The following AIG1 variants were observed in gnomAD, a reference collection of about 807,000 sequenced individuals.
AIG1 encodes androgen-induced gene 1 protein.
AIG1 carries 23 observed loss-of-function variants against 31.4 expected under a neutral mutation model. That is an observed-to-expected ratio of 0.73 (90% CI 0.53 to 1.04). The LOEUF (loss-of-function observed/expected upper bound fraction) is 1.04. Among genes scored for constraint, AIG1 ranks in the 50% least tolerant of loss-of-function variants. AIG1 has a pLI of 0.00. For missense variants in AIG1, 274 were observed against 295.0 expected (o/e 0.93, Z 0.52); for synonymous variants, 100 against 110.5 (o/e 0.90, Z 0.60).
intron 3 of AIG1, among the ~76,000 whole-genome samples, chr6:143,177,386 A>G (rs1233294265): frequency 3.9e-5 from 6 of 152,046 alleles, no homozygotes; most frequent in Non-Finnish European, 5.9e-5. Context: ...TTGTTTCCCT[A>G]TGTTGATATC....
intron 1 of AIG1, among the ~76,000 whole-genome samples, chr6:143,079,251 T>C (rs2128467150): frequency 6.6e-6 from 1 of 152,250 alleles, no homozygotes; most frequent in South Asian, 2.1e-4. Flanking sequence ...TCATAATCTC[T>C]AGCAGAGATT....
chr6:143,250,669 T>C (rs956063038), intron 3 of AIG1, among the ~76,000 whole-genome samples: 4 of 150,610 alleles, frequency 2.7e-5, no homozygotes, highest in East Asian at 2.0e-4. Flanking sequence ...GAGACAGAGA[T>C]TGGAGTGACG....
At chr6:143,141,997 A>T (rs1353624400) in intron 2 of AIG1, among the ~76,000 whole-genome samples, 1 of 152,024 alleles carries the variant, frequency 6.6e-6, no homozygotes, top group African/African-American at 2.4e-5. Flanking sequence ...AGGAATCTTA[A>T]ATGTGTCTCC....
chr6:143,163,415 C>T (rs867098571), intron 2 of AIG1, among the ~76,000 whole-genome samples: 23 of 152,310 alleles, frequency 1.5e-4, no homozygotes, highest in Middle Eastern at 3.4e-3. Context: ...CATAGCATCC[C>T]TTATTTTCAA....
intron 2 of AIG1, among the ~76,000 whole-genome samples, chr6:143,137,640 T>C (rs1055826277): frequency 1.3e-5 from 2 of 152,252 alleles, no homozygotes; most frequent in African/African-American, 4.8e-5. Flanking sequence ...CTGTTTTGAC[T>C]TCATTGATTT....
chr6:143,261,103 G>A (rs1157436109), intron 3 of AIG1, among the ~76,000 whole-genome samples: 1 of 152,102 alleles, frequency 6.6e-6, no homozygotes, highest in Non-Finnish European at 1.5e-5. Flanking sequence ...GCAGAGGAAT[G>A]GGGAAGGAAG....
chr6:143,207,293 A>G (rs1791189016), intron 3 of AIG1, among the ~76,000 whole-genome samples: 1 of 151,982 alleles, frequency 6.6e-6, no homozygotes, highest in African/African-American at 2.4e-5. Context: ...TTGTATTCCC[A>G]TAGTTGCAAA....
chr6:143,215,314 A>G (rs939315758), intron 3 of AIG1, among the ~76,000 whole-genome samples: 20 of 152,152 alleles, frequency 1.3e-4, no homozygotes, highest in Non-Finnish European at 1.2e-4. Flanking sequence ...TCACTAAATA[A>G]TAGTGTTTTT....
chr6:143,072,391 T>A (rs1025079320), intron 1 of AIG1, among the ~76,000 whole-genome samples: 3 of 152,176 alleles, frequency 2.0e-5, no homozygotes, highest in Non-Finnish European at 2.9e-5. Context: ...ATTTTATTTC[T>A]TCCTTTTCAA....
At chr6:143,206,029 A>G (rs991464404) in intron 3 of AIG1, among the ~76,000 whole-genome samples, 1 of 152,226 alleles carries the variant, frequency 6.6e-6, no homozygotes, top group African/African-American at 2.4e-5. Context: ...TTAAATGACC[A>G]AGGTATTATG....
At chr6:143,063,690 A>G (rs1776453884) in intron 1 of AIG1, among the ~76,000 whole-genome samples, 1 of 152,114 alleles carries the variant, frequency 6.6e-6, no homozygotes, top group Non-Finnish European at 1.5e-5. Context: ...CAAGAGTTTA[A>G]CTTTTTAAAA....
intron 1 of AIG1, among the ~76,000 whole-genome samples, chr6:143,134,396 CT>C (rs61322198): frequency 0.036 from 4,025 of 111,318 alleles, 85 homozygotes; most frequent in Middle Eastern, 0.094. Context: ...TCCTGGTTTC[CT>C]TTTTTTTTTT....
At chr6:143,079,616 C>T (rs957851620) in intron 1 of AIG1, among the ~76,000 whole-genome samples, 2 of 152,108 alleles carry the variant, frequency 1.3e-5, no homozygotes, top group Non-Finnish European at 2.9e-5. Context: ...CTTTTTTACA[C>T]TTAAAATATT....
intron 3 of AIG1, among the ~76,000 whole-genome samples, chr6:143,222,313 G>T (rs1792584043): frequency 6.6e-6 from 1 of 152,130 alleles, no homozygotes. Context: ...TCACTAGTAG[G>T]TGAAGCCATC....
chr6:143,154,752 C>T (rs567244915), intron 2 of AIG1, among the ~76,000 whole-genome samples: 7 of 152,164 alleles, frequency 4.6e-5, no homozygotes, highest in East Asian at 1.9e-4. Flanking sequence ...AAGATGATAT[C>T]GCTGGGGGAA....
chr6:143,141,171 T>A (rs942631206), intron 2 of AIG1, among the ~76,000 whole-genome samples: 1 of 152,178 alleles, frequency 6.6e-6, no homozygotes, highest in Non-Finnish European at 1.5e-5. Context: ...TTTGCACAAG[T>A]TTTCCTGAAG....
intron 3 of AIG1, among the ~76,000 whole-genome samples, chr6:143,274,536 GC>G (rs1796758196): frequency 6.6e-6 from 1 of 152,190 alleles, no homozygotes; most frequent in South Asian, 2.1e-4. Flanking sequence ...TCCTATACAT[GC>G]AACCCCAGTG....
chr6:143,254,027 C>T (rs1262450522), intron 3 of AIG1, among the ~76,000 whole-genome samples: 1 of 152,178 alleles, frequency 6.6e-6, no homozygotes, highest in Non-Finnish European at 1.5e-5. Context: ...TCAGCTCCCA[C>T]GGACCGTTTC....
At chr6:143,255,383 A>T (rs1795308477) in intron 3 of AIG1, among the ~76,000 whole-genome samples, 2 of 152,140 alleles carry the variant, frequency 1.3e-5, no homozygotes, top group South Asian at 4.2e-4. Flanking sequence ...GTTTCTCCTG[A>T]GGCCTCGATT....
Sources: gnomAD v4.1 joint callset for allele counts (sites outside exome capture counted in the v4.1 genomes callset) on GRCh38, gnomAD v4.1.1 for gene constraint, MANE v1.5 for transcripts, NCBI Gene and HGNC (gene_info 2026-07-23, HGNC 2026-07-21) for gene names.